The following CDH19 variants were observed in gnomAD, a reference collection of about 807,000 sequenced individuals.
CDH19 encodes the protein cadherin 19, also known as cadherin-19.
In CDH19, 67 loss-of-function variants were observed where a neutral mutation model predicts 64.2. The observed-to-expected ratio is 1.04, with a 90% CI of 0.86 to 1.28. The LOEUF (loss-of-function observed/expected upper bound fraction) is 1.28. Ranked by LOEUF, CDH19 falls within the 50% of genes most tolerant of loss-of-function variation. The pLI is 0.00. For synonymous variants in CDH19, 346 were observed against 319.3 expected (o/e 1.08, Z -0.89); for missense variants, 1,030 against 929.0 (o/e 1.11, Z -1.41).
chr18:66,596,726 G>A (rs1017947047), intron 1 of CDH19, among the ~76,000 whole-genome samples: 6 of 151,992 alleles, frequency 3.9e-5, no homozygotes, highest in African/African-American at 1.4e-4. Context: ...TAATCCTCAA[G>A]GAATTTACAG....
intron 1 of CDH19, among the ~76,000 whole-genome samples, chr18:66,588,695 A>G (rs1599039091): frequency 6.7e-6 from 1 of 149,386 alleles, no homozygotes; most frequent in East Asian, 2.0e-4. Context: ...GTCCTTATTT[A>G]TAAGTTTAGT....
chr18:66,529,010 G>A (rs1326255267), intron 9 of CDH19, among the ~76,000 whole-genome samples: 2 of 151,788 alleles, frequency 1.3e-5, no homozygotes, highest in African/African-American at 4.8e-5. Context: ...TAAGAAACCT[G>A]ATAATTATAT....
intron 1 of CDH19, among the ~76,000 whole-genome samples, chr18:66,588,604 T>TTATATATATATATATA (rs1988644075): frequency 9.6e-6 from 1 of 104,598 alleles, no homozygotes; most frequent in Non-Finnish European, 2.5e-5. Flanking sequence ...TTTTTACTAA[T>TTATATATATATATATA]CATATATATC....
intron 1 of CDH19, among the ~76,000 whole-genome samples, chr18:66,582,274 T>C (rs1440592582): frequency 6.6e-6 from 1 of 152,034 alleles, no homozygotes; most frequent in Non-Finnish European, 1.5e-5. Flanking sequence ...ATTTGATGGC[T>C]GTGTGGGGGA....
chr18:66,592,606 T>C (rs185820771), intron 1 of CDH19, among the ~76,000 whole-genome samples: 14 of 151,932 alleles, frequency 9.2e-5, no homozygotes, highest in African/African-American at 3.1e-4. Context: ...AATTTTATTC[T>C]AGCTTTCAAA....
intron 9 of CDH19, among the ~76,000 whole-genome samples, chr18:66,527,052 T>TGC (rs1986250487): frequency 6.7e-6 from 1 of 149,698 alleles, no homozygotes; most frequent in Non-Finnish European, 1.5e-5. Flanking sequence ...TATATATGTG[T>TGC]GTGTGTGTGT....
chr18:66,506,459 C>T (rs1366209031), intron 11 of CDH19, among the ~76,000 whole-genome samples: 2 of 151,832 alleles, frequency 1.3e-5, no homozygotes, highest in African/African-American at 4.8e-5. Flanking sequence ...ATTATAAATA[C>T]AATAAAATAA....
chr18:66,585,406 G>C (rs956724809), intron 1 of CDH19, among the ~76,000 whole-genome samples: 5 of 152,014 alleles, frequency 3.3e-5, no homozygotes, highest in Non-Finnish European at 7.4e-5. Context: ...AAGGATGGCT[G>C]AATAACTAAC....
intron 5 of CDH19, among the ~76,000 whole-genome samples, chr18:66,546,338 ATTGT>A (rs1987116984): frequency 6.6e-6 from 1 of 152,184 alleles, no homozygotes; most frequent in Admixed American, 6.5e-5. Context: ...AATTAAAAGA[ATTGT>A]TTATGTTATT....
At chr18:66,598,336 T>C (rs1232930200) in intron 1 of CDH19, among the ~76,000 whole-genome samples, 1 of 152,160 alleles carries the variant, frequency 6.6e-6, no homozygotes, top group East Asian at 1.9e-4. Context: ...TAGTGGATTA[T>C]TAACTATATA....
rs1276593665 is a variant in CDH19, at chr18:66,524,569, T to TATATATATATATATATATATAA, written c.1458+5275_1458+5276insTTATATATATATATATATATAT. ...ATATATATATATATATATATATATA[T>TATATATATATATATATATATAA]AAACATCATCATGCACCATAAATAT... On this transcript the variant is annotated intron_variant, in intron 9 of 11. Coordinates refer to ENST00000262150, the MANE Select transcript of CDH19 (RefSeq NM_021153.4). Among the ~76,000 whole-genome samples the TATATATATATATATATATATAA allele has an allele frequency of 3.1e-3, 423 of 135,034 alleles. 6 individuals carry two copies. Among genetic ancestry groups the TATATATATATATATATATATAA allele is most frequent in the South Asian group, 7.3e-3 (29 of 3,962 alleles). 88.6% of individuals were successfully genotyped at this position (135,034 alleles called of 152,430 possible).
Position 66,504,300 on chromosome 18 carries a change from T to TC in CDH19, c.*511_*512insG, listed in dbSNP as rs1318638943. On this transcript the variant is annotated 3_prime_UTR_variant, in exon 12 of 12. Transcript: ENST00000262150. Reference sequence around the variant, plus strand: ...AAGATTACCTAGCATTCTTTTTTTTTTTTTTTTTTTTTAAATAAAGGAAAC... The same window carrying TC: ...AAGATTACCTAGCATTCTTTTTTTTTCTTTTTTTTTTTTAAATAAAGGAAAC... The TC allele has an allele frequency of 2.0e-5, 3 of 150,070 alleles. No individual in the cohort carries two copies. The highest frequency in any genetic ancestry group is 1.3e-4 in the Admixed American group (2 of 15,020). The allele number at this position is 150,070 out of a possible 1,614,324, so 9.3% of individuals were successfully genotyped here.
In CDH19 at chr18:66,504,704, A is replaced by C; in HGVS notation, c.*108T>G. ...TACTCCAGGGAAATCAGAAAACTCC[A>C]TAGACTAGGGCTTTCCCCGCCATAG... On this transcript the variant is annotated 3_prime_UTR_variant, in exon 12 of 12. Coordinates refer to ENST00000262150, the MANE Select transcript of CDH19 (RefSeq NM_021153.4). The C allele has an allele frequency of 2.6e-6, 3 of 1,174,412 alleles. No individual in the cohort carries two copies. The highest frequency in any genetic ancestry group is 3.5e-6 in the Non-Finnish European group (3 of 847,420). 72.7% of individuals were successfully genotyped at this position (1,174,412 alleles called of 1,614,324 possible).
intron 9 of CDH19, 139 bp from the exon 10 acceptor site, chr18:66,511,824 G>A: frequency 1.7e-6 from 1 of 604,902 alleles, no homozygotes; most frequent in Non-Finnish European, 2.9e-6. Context: ...TCAAATCAGT[G>A]GAGAATATTA....
intron 3 of CDH19, among the ~76,000 whole-genome samples, chr18:66,559,449 C>G (rs555169860): frequency 2.0e-5 from 3 of 151,550 alleles, no homozygotes; most frequent in African/African-American, 7.3e-5. Context: ...TTGTACTGAA[C>G]TTCCTAGACA....
intron 1 of CDH19, among the ~76,000 whole-genome samples, chr18:66,581,611 G>C (rs1403426624): frequency 6.6e-6 from 1 of 152,034 alleles, no homozygotes; most frequent in Non-Finnish European, 1.5e-5. Context: ...TCCTGTGCTG[G>C]ATGCTTCCTG....
intron 9 of CDH19, among the ~76,000 whole-genome samples, chr18:66,524,569 T>TATATATAA (rs1276593665): frequency 0.019 from 2,534 of 135,068 alleles, 54 homozygotes; most frequent in Middle Eastern, 0.044. Flanking sequence ...TATATATATA[T>TATATATAA]AAACATCATC....
chr18:66,527,931 T>G (rs1443177488), intron 9 of CDH19, among the ~76,000 whole-genome samples: 6 of 151,714 alleles, frequency 4.0e-5, no homozygotes, highest in African/African-American at 1.5e-4. Flanking sequence ...GTACATGAAA[T>G]GAATGAAATA....
At chr18:66,594,388 C>T (rs1988825284) in intron 1 of CDH19, among the ~76,000 whole-genome samples, 1 of 151,986 alleles carries the variant, frequency 6.6e-6, no homozygotes. Flanking sequence ...TATTCAGAAC[C>T]TAAACTTGAC....
Sources: gnomAD v4.1 joint callset for allele counts (sites outside exome capture counted in the v4.1 genomes callset) on GRCh38, gnomAD v4.1.1 for gene constraint, MANE v1.5 for transcripts, NCBI Gene and HGNC (gene_info 2026-07-23, HGNC 2026-07-21) for gene names.